TERF1: variants seen among roughly 807,000 people sequenced by gnomAD.
TERF1 encodes the protein telomeric repeat-binding factor 1.
In TERF1, 20 loss-of-function variants were observed where a neutral mutation model predicts 55.1. That is an observed-to-expected ratio of 0.36 (90% CI 0.26 to 0.53). The LOEUF (loss-of-function observed/expected upper bound fraction) is 0.53. Ranked by LOEUF, TERF1 falls within the 20% of genes least tolerant of loss-of-function variation. The pLI is 0.91. For synonymous variants in TERF1, 168 were observed against 181.2 expected, an observed-to-expected ratio of 0.93 and a Z score of 0.59; for missense variants, 439 against 535.7, an observed-to-expected ratio of 0.82 and a Z score of 1.78.
At chr8:73,022,361 C>A in intron 4 of TERF1, 59 bp downstream of exon 4, 1 of 1,061,406 alleles carries the variant, frequency 9.4e-7, no homozygotes, top group Non-Finnish European at 1.4e-6. Context: ...GTGAGGAAAA[C>A]TGAAAGAAAA....
chr8:73,019,784 GT>G (rs1232513359), intron 2 of TERF1, among the ~76,000 whole-genome samples: 5 of 152,162 alleles, frequency 3.3e-5, no homozygotes, highest in African/African-American at 9.7e-5. Flanking sequence ...TTGTGTGACT[GT>G]TCCTTCTGCT....
At chr8:73,028,704 T>C (rs1809141666) in intron 6 of TERF1, among the ~76,000 whole-genome samples, 1 of 151,804 alleles carries the variant, frequency 6.6e-6, no homozygotes, top group Non-Finnish European at 1.5e-5. Context: ...CATTTTATTC[T>C]CTCCAAGGCA....
rs1157603138 is a variant in TERF1, at chr8:73,047,272, A to C, written c.*1135A>C. 1 of 152,180 alleles carries C rather than the reference A, an allele frequency of 6.6e-6. No individual in the cohort carries two copies. Among genetic ancestry groups the C allele is most frequent in the Non-Finnish European group, 1.5e-5 (1 of 68,020 alleles). 9.4% of individuals were successfully genotyped at this position (152,180 alleles called of 1,614,324 possible). On this transcript the variant is annotated 3_prime_UTR_variant, in exon 10 of 10. Coordinates refer to ENST00000276603, the MANE Select transcript of TERF1 (RefSeq NM_017489.3). Reference sequence around the variant, plus strand: ...ATTAGCAAGAATCATTTTGTGTCTCATTTAGAAACAATTTGACTTTTGTTC... The same window carrying C: ...ATTAGCAAGAATCATTTTGTGTCTCCTTTAGAAACAATTTGACTTTTGTTC...
At chr8:73,017,651 A>T (rs1473320421) in intron 2 of TERF1, among the ~76,000 whole-genome samples, 1 of 150,430 alleles carries the variant, frequency 6.6e-6, no homozygotes, top group East Asian at 2.0e-4. Context: ...AATACACTAG[A>T]CTCTGCTTGA....
intron 2 of TERF1, among the ~76,000 whole-genome samples, chr8:73,019,653 C>T (rs907733296): frequency 2.0e-5 from 3 of 152,196 alleles, no homozygotes; most frequent in Admixed American, 1.3e-4. Context: ...CCTCAGCCTC[C>T]CAAGTAGCTG....
At chr8:73,031,069 A>C (rs564361420) in intron 7 of TERF1, 1 of 152,396 alleles carries the variant, frequency 6.6e-6, no homozygotes, top group South Asian at 2.1e-4. Flanking sequence ...ATGGCTGTGA[A>C]GAATGATTGA....
chr8:73,014,577 T>C (rs1475093942), intron 2 of TERF1, among the ~76,000 whole-genome samples: 1 of 152,260 alleles, frequency 6.6e-6, no homozygotes. Context: ...TGATTCAGTT[T>C]ATCAGTAATG....
At chr8:73,009,878 C>G (rs1160101337) in intron 1 of TERF1, 1 of 152,270 alleles carries the variant, frequency 6.6e-6, no homozygotes, top group Non-Finnish European at 1.5e-5. Flanking sequence ...CGCCCCCGTC[C>G]CAAGATGGGG....
chr8:73,034,322 G>A (rs1356451818), intron 8 of TERF1, among the ~76,000 whole-genome samples: 1 of 152,114 alleles, frequency 6.6e-6, no homozygotes, highest in East Asian at 1.9e-4. Context: ...AGTAGAGACG[G>A]GGTTTCGCCA....
intron 1 of TERF1, chr8:73,011,049 A>T (rs1586023366): frequency 6.6e-6 from 1 of 152,254 alleles, no homozygotes. Context: ...GAGCACAGGC[A>T]AAGTTGATAT....
chr8:73,044,732 A>C (rs978984870), intron 9 of TERF1, among the ~76,000 whole-genome samples: 1 of 152,062 alleles, frequency 6.6e-6, no homozygotes, highest in Non-Finnish European at 1.5e-5. Flanking sequence ...CCTTGCCACC[A>C]TCATTCTACT....
chr8:73,029,326 T>C (rs1809174634), intron 6 of TERF1, among the ~76,000 whole-genome samples: 1 of 152,204 alleles, frequency 6.6e-6, no homozygotes, highest in South Asian at 2.1e-4. Flanking sequence ...TCAAGTGTCT[T>C]ACAAAAATGG....
chr8:73,009,497 C>A, intron 1 of TERF1: 1 of 364,016 alleles, frequency 2.7e-6, no homozygotes, highest in Non-Finnish European at 5.0e-6. Context: ...CAACCCAGTA[C>A]CTTTGTCTCT....
At chr8:73,037,745 A>G (rs1398314451) in intron 8 of TERF1, among the ~76,000 whole-genome samples, 5 of 86,824 alleles carry the variant, frequency 5.8e-5, no homozygotes, top group Non-Finnish European at 1.0e-4. Context: ...TGAAATATAT[A>G]TTATATATAA....
At chr8:73,018,190 T>G (rs1808603076) in intron 2 of TERF1, among the ~76,000 whole-genome samples, 1 of 152,184 alleles carries the variant, frequency 6.6e-6, no homozygotes, top group Non-Finnish European at 1.5e-5. Context: ...TGTTTGTATC[T>G]TAAGTACCTG....
chr8:73,018,168 C>CT (rs1049493437), intron 2 of TERF1, among the ~76,000 whole-genome samples: 4 of 151,474 alleles, frequency 2.6e-5, no homozygotes, highest in South Asian at 2.1e-4. Context: ...AGGTCAGGAA[C>CT]TTTTTTTTTC....
At chr8:73,015,809 A>G (rs1808479282) in intron 2 of TERF1, among the ~76,000 whole-genome samples, 1 of 152,248 alleles carries the variant, frequency 6.6e-6, no homozygotes, top group Admixed American at 6.5e-5. Context: ...CCTGAGTGAC[A>G]GAATGAAATC....
chr8:73,041,965 C>T (rs1344641821), intron 9 of TERF1, among the ~76,000 whole-genome samples: 1 of 152,112 alleles, frequency 6.6e-6, no homozygotes, highest in African/African-American at 2.4e-5. Context: ...CTTTCTGTCC[C>T]CAGTAATTCT....
rs562177251 is a variant in TERF1 at position 73,031,830 on chromosome 8, G to C, written c.948-212G>C. ...CATCAAAAAACATCTTGATTTCTGC[G>C]GAGTAGATGAGATGGAGAAAGATGA... On this transcript the variant is annotated intron_variant, in intron 7 of 9. Coordinates refer to ENST00000276603, the MANE Select transcript of TERF1 (RefSeq NM_017489.3). 10 of 357,628 alleles carry C rather than the reference G, an allele frequency of 2.8e-5. No homozygotes were observed. The Admixed American group carries it at 3.2e-4, about 12-fold the overall frequency. The allele number at this position is 357,628 out of a possible 1,614,324, so 22.2% of individuals were successfully genotyped here.
Sources: allele counts gnomAD v4.1 joint callset (sites outside exome capture counted in the v4.1 genomes callset), GRCh38; gene constraint gnomAD v4.1.1; transcripts MANE v1.5; gene names NCBI Gene and HGNC (gene_info 2026-07-23, HGNC 2026-07-21).